ABI2: variants seen among roughly 807,000 people sequenced by gnomAD.
ABI2 encodes abelson interactor 2.
Under a neutral mutation model 59.2 loss-of-function variants are expected in ABI2, and 25 were observed. The ratio of observed to expected loss-of-function variants is 0.42; its 90% CI spans 0.31 to 0.59. The LOEUF (loss-of-function observed/expected upper bound fraction) is 0.59. Among genes scored for constraint, ABI2 ranks in the 20% least tolerant of loss-of-function variants. The pLI is 0.14. For synonymous variants in ABI2, 213 were observed against 235.5 expected (o/e 0.90, Z 0.87); for missense variants, 545 against 681.8 (o/e 0.80, Z 2.23).
intron 3 of ABI2, among the ~76,000 whole-genome samples, chr2:203,380,875 T>TA (rs2096075029): frequency 1.3e-5 from 2 of 152,360 alleles, no homozygotes; most frequent in Admixed American, 1.3e-4. Flanking sequence ...GGTGAATTAA[T>TA]ATTGCCACTG....
chr2:203,354,874 CT>C (rs2091071491), intron 1 of ABI2, among the ~76,000 whole-genome samples: 1 of 152,150 alleles, frequency 6.6e-6, no homozygotes, highest in Non-Finnish European at 1.5e-5. Context: ...ATAAACATTT[CT>C]GGAAAAGATG....
chr2:203,338,794 T>C (rs2077618023), intron 1 of ABI2, among the ~76,000 whole-genome samples: 1 of 149,250 alleles, frequency 6.7e-6, no homozygotes, highest in African/African-American at 2.5e-5. Flanking sequence ...AAGATGAGAG[T>C]GACTACATCA....
At chr2:203,354,915 C>A (rs989761447) in intron 1 of ABI2, among the ~76,000 whole-genome samples, 1 of 152,194 alleles carries the variant, frequency 6.6e-6, no homozygotes. Context: ...AGTACCTCTG[C>A]TCACATGAGT....
intron 1 of ABI2, among the ~76,000 whole-genome samples, chr2:203,339,188 T>G (rs2078411958): frequency 6.6e-6 from 1 of 150,648 alleles, no homozygotes; most frequent in African/African-American, 2.5e-5. Context: ...TCACACTTGT[T>G]AGGGTGGCTA....
At chr2:203,418,639 A>G (rs924840009) in intron 11 of ABI2, among the ~76,000 whole-genome samples, 1 of 152,278 alleles carries the variant, frequency 6.6e-6, no homozygotes, top group Non-Finnish European at 1.5e-5. Context: ...CAAGCAAGAC[A>G]CTAGTCCTTT....
chr2:203,339,662 C>A (rs2078760290), intron 1 of ABI2, among the ~76,000 whole-genome samples: 1 of 151,960 alleles, frequency 6.6e-6, no homozygotes, highest in African/African-American at 2.4e-5. Context: ...TACAATCCCA[C>A]TTCTGGGTAT....
intron 2 of ABI2, among the ~76,000 whole-genome samples, chr2:203,368,713 G>GT (rs750543376): frequency 7.9e-5 from 12 of 151,580 alleles, no homozygotes; most frequent in Non-Finnish European, 1.2e-4. Context: ...TGTATCTTAA[G>GT]TTAAAAAAAA....
rs549599768 is a variant in ABI2, at chr2:203,380,197, A to G, written c.286-11A>G. 84 of 1,526,514 alleles carry G rather than the reference A, an allele frequency of 5.5e-5. 1 individual carries two copies. The South Asian group carries it at 9.7e-4, about 18-fold the overall frequency. The allele number at this position is 1,526,514 out of a possible 1,614,324, so 94.6% of individuals were successfully genotyped here. A position where few individuals can be genotyped will look rare whatever the true frequency, so the allele number is the denominator to read the frequency against. ...ACATTTTTGTGTTGTTTTTTACATTATATTTTGCAGACAGTTGATATTCAT... is the reference window on the plus strand; with the variant it reads ...ACATTTTTGTGTTGTTTTTTACATTGTATTTTGCAGACAGTTGATATTCAT... On this transcript the variant is annotated splice_polypyrimidine_tract_variant and intron_variant, in intron 2 of 11. Coordinates refer to ENST00000261018, the MANE Select transcript of ABI2 (RefSeq NM_001375670.1).
At chr2:203,406,829 C>CT (rs769880133) in intron 9 of ABI2, among the ~76,000 whole-genome samples, 73 of 151,420 alleles carry the variant, frequency 4.8e-4, no homozygotes, top group African/African-American at 6.8e-4. Flanking sequence ...ACGCCTGGCT[C>CT]TTTTTTTTTC....
chr2:203,346,073 T>TG (rs982223618), intron 1 of ABI2, among the ~76,000 whole-genome samples: 3 of 150,488 alleles, frequency 2.0e-5, no homozygotes, highest in African/African-American at 7.3e-5. Flanking sequence ...TCGCTTGAAC[T>TG]GGGGAGGTGG....
intron 2 of ABI2, among the ~76,000 whole-genome samples, chr2:203,367,632 C>T (rs940719006): frequency 6.6e-6 from 1 of 151,964 alleles, no homozygotes; most frequent in Non-Finnish European, 1.5e-5. Context: ...GAAAAATAAA[C>T]CATTTTACCA....
At chr2:203,362,617 C>T (rs1335365754) in intron 1 of ABI2, among the ~76,000 whole-genome samples, 1 of 151,772 alleles carries the variant, frequency 6.6e-6, no homozygotes, top group African/African-American at 2.4e-5. Context: ...ACCTCTGTCT[C>T]CTGGGTTCAA....
intron 3 of ABI2, among the ~76,000 whole-genome samples, chr2:203,381,528 A>G (rs1317194590): frequency 1.3e-5 from 2 of 152,190 alleles, no homozygotes; most frequent in Non-Finnish European, 2.9e-5. Flanking sequence ...TGGTCTCCCA[A>G]AATATTGGGA....
chr2:203,386,484 C>T (rs1023872513), intron 4 of ABI2: 3 of 370,952 alleles, frequency 8.1e-6, no homozygotes, highest in African/African-American at 7.5e-5. Flanking sequence ...CTGTGTTGCC[C>T]AGTCTGGAAT....
At chr2:203,415,991 A>T (rs959579149) in intron 10 of ABI2, among the ~76,000 whole-genome samples, 1 of 152,250 alleles carries the variant, frequency 6.6e-6, no homozygotes, top group Non-Finnish European at 1.5e-5. Flanking sequence ...TATAGTCTGA[A>T]TTAGAAGAAA....
chr2:203,398,016 C>A (rs767399321), intron 8 of ABI2, among the ~76,000 whole-genome samples: 3 of 152,188 alleles, frequency 2.0e-5, no homozygotes, highest in African/African-American at 7.2e-5. Flanking sequence ...GACACAGATT[C>A]AAAGCATATC....
At chr2:203,385,359 CTGATCTCG>C (rs1206203846) in intron 4 of ABI2, among the ~76,000 whole-genome samples, 2 of 151,730 alleles carry the variant, frequency 1.3e-5, no homozygotes, top group African/African-American at 4.8e-5. Context: ...TCTCGATCTC[CTGATCTCG>C]TGATCTGCCC....
intron 1 of ABI2, among the ~76,000 whole-genome samples, chr2:203,338,737 G>A (rs2077590244): frequency 6.6e-6 from 1 of 151,180 alleles, no homozygotes; most frequent in East Asian, 2.0e-4. Flanking sequence ...TCTTGACAAT[G>A]GTTTTTATAA....
intron 1 of ABI2, among the ~76,000 whole-genome samples, chr2:203,363,304 A>G (rs2093804407): frequency 6.6e-6 from 1 of 152,208 alleles, no homozygotes; most frequent in Admixed American, 6.5e-5. Flanking sequence ...ATTATAAACA[A>G]TCCAACTATA....
Sources: allele counts gnomAD v4.1 joint callset (sites outside exome capture counted in the v4.1 genomes callset), GRCh38; gene constraint gnomAD v4.1.1; transcripts MANE v1.5; gene names NCBI Gene and HGNC (gene_info 2026-07-23, HGNC 2026-07-21).